The following PITPNC1 variants were observed in gnomAD, a reference collection of about 807,000 sequenced individuals.
PITPNC1 encodes the protein phosphatidylinositol transfer protein cytoplasmic 1, also known as cytoplasmic phosphatidylinositol transfer protein 1.
Under a neutral mutation model 44.7 loss-of-function variants are expected in PITPNC1, and 18 were observed. The ratio of observed to expected loss-of-function variants is 0.40; its 90% confidence interval spans 0.28 to 0.60. PITPNC1 has a LOEUF of 0.60. Ranked by LOEUF, PITPNC1 falls within the 20% of genes least tolerant of loss-of-function variation. PITPNC1 has a pLI of 0.39. For missense variants in PITPNC1, 290 were observed against 418.4 expected (o/e 0.69, Z 2.68); for synonymous variants, 141 against 149.6 (o/e 0.94, Z 0.42).
chr17:67,425,334 T>A (rs2038747789), intron 1 of PITPNC1, among the ~76,000 whole-genome samples: 1 of 148,098 alleles, frequency 6.8e-6, no homozygotes, highest in Non-Finnish European at 1.5e-5. Flanking sequence ...AATGAACCCC[T>A]CAGAAATGGT....
chr17:67,568,193 A>G (rs1462070852), intron 4 of PITPNC1, among the ~76,000 whole-genome samples: 1 of 152,254 alleles, frequency 6.6e-6, no homozygotes, highest in Non-Finnish European at 1.5e-5. Context: ...GTACCCATAC[A>G]TGCTAGAACA....
chr17:67,609,288 CTTTTT>C (rs34987217), intron 5 of PITPNC1, among the ~76,000 whole-genome samples: 2 of 114,300 alleles, frequency 1.7e-5, no homozygotes, highest in African/African-American at 3.7e-5. Flanking sequence ...CTTCTTCTTC[CTTTTT>C]TTTTTTTTTT....
At position 67,657,508 on chromosome 17, in the gene PITPNC1, T is replaced by C. The variant is rs534519261; in HGVS notation, c.463-12000T>C. Among the ~76,000 whole-genome samples, 53 of 150,792 alleles carry C rather than the reference T, an allele frequency of 3.5e-4. 1 individual carries two copies. In the South Asian group the frequency reaches 0.011, roughly 30 times the overall value. Reference sequence around the variant, plus strand: ...AAAGAACATCGAGCTAGAAGTAGGGTAGGCTGGGATTCTAGTCCCAGCCCT... The same window carrying C: ...AAAGAACATCGAGCTAGAAGTAGGGCAGGCTGGGATTCTAGTCCCAGCCCT... On this transcript the variant is annotated intron_variant, in intron 6 of 8. Coordinates refer to ENST00000581322, the MANE Select transcript of PITPNC1 (RefSeq NM_012417.4).
At chr17:67,494,181 TTCTTTTTCTTTC>T (rs1568012834) in intron 1 of PITPNC1, among the ~76,000 whole-genome samples, 2 of 58,468 alleles carry the variant, frequency 3.4e-5, no homozygotes, top group Admixed American at 1.7e-4. Context: ...CTTTCTTTCT[TTCTTTTTCTTTC>T]TTTCTTTCTT....
At chr17:67,500,722 G>A (rs2040015629) in intron 1 of PITPNC1, among the ~76,000 whole-genome samples, 1 of 151,306 alleles carries the variant, frequency 6.6e-6, no homozygotes, top group Admixed American at 6.6e-5. Context: ...GAGTACAGTG[G>A]CACAATCACG....
chr17:67,533,049 T>C, intron 2 of PITPNC1, 99 bp downstream of exon 2: 1 of 892,262 alleles, frequency 1.1e-6, no homozygotes, highest in Non-Finnish European at 1.7e-6. Context: ...AAAAGGTCAC[T>C]TGGAAAGTAA....
intron 5 of PITPNC1, among the ~76,000 whole-genome samples, chr17:67,631,050 GTTGTTATTATTATTA>G (rs1250156671): frequency 0.011 from 1,444 of 134,414 alleles, 37 homozygotes; most frequent in Middle Eastern, 0.014. Context: ...TGTTGTTGTT[GTTGTTATTATTATTA>G]TTATTATTAT....
intron 6 of PITPNC1, among the ~76,000 whole-genome samples, chr17:67,669,136 C>T (rs888259100): frequency 1.8e-4 from 27 of 152,234 alleles, no homozygotes; most frequent in African/African-American, 6.0e-4. Context: ...GATGGAGTTT[C>T]GCTCTTGTTA....
intron 5 of PITPNC1, among the ~76,000 whole-genome samples, chr17:67,627,437 G>A (rs1364207144): frequency 3.3e-5 from 5 of 152,198 alleles, no homozygotes; most frequent in African/African-American, 4.8e-5. Flanking sequence ...AATTAGGCAC[G>A]CTGTTAATGA....
intron 1 of PITPNC1, among the ~76,000 whole-genome samples, chr17:67,458,542 T>A (rs1243631210): frequency 2.0e-5 from 3 of 152,216 alleles, no homozygotes; most frequent in Non-Finnish European, 4.4e-5. Flanking sequence ...GACTCTTACT[T>A]TTTTCCCAGT....
chr17:67,574,949 A>G (rs141963227), intron 4 of PITPNC1, among the ~76,000 whole-genome samples: 2 of 152,266 alleles, frequency 1.3e-5, no homozygotes, highest in Admixed American at 6.5e-5. Context: ...TCCCCACTCA[A>G]AAATAACAAC....
intron 5 of PITPNC1, among the ~76,000 whole-genome samples, chr17:67,589,604 CAAA>C (rs10714478): frequency 2.1e-4 from 26 of 126,404 alleles, no homozygotes; most frequent in Non-Finnish European, 2.5e-4. Context: ...ATAATTGACT[CAAA>C]AAAAAAAAAA....
At chr17:67,685,317 G>A (rs140208442) in intron 8 of PITPNC1, among the ~76,000 whole-genome samples, 10 of 152,340 alleles carry the variant, frequency 6.6e-5, no homozygotes, top group Admixed American at 2.6e-4. Flanking sequence ...CCGCATTTGC[G>A]ATTGAGGATC....
intron 1 of PITPNC1, among the ~76,000 whole-genome samples, chr17:67,428,858 T>TTG (rs1362436475): frequency 1.3e-5 from 2 of 149,574 alleles, no homozygotes; most frequent in Non-Finnish European, 3.0e-5. Flanking sequence ...TTTTTTTTTT[T>TTG]GAGACGGAGT....
intron 5 of PITPNC1, among the ~76,000 whole-genome samples, chr17:67,599,007 T>C (rs1221010520): frequency 4.1e-5 from 1 of 24,164 alleles, no homozygotes; most frequent in African/African-American, 9.7e-5. Context: ...AATACATATA[T>C]ATATATATAT....
chr17:67,498,878 G>T (rs201332533), intron 1 of PITPNC1, among the ~76,000 whole-genome samples: 15 of 130,428 alleles, frequency 1.2e-4, no homozygotes, highest in Admixed American at 1.5e-4. Context: ...GTTTGTTTTT[G>T]TTTTTTTTTT....
intron 1 of PITPNC1, among the ~76,000 whole-genome samples, chr17:67,420,511 C>A (rs968077729): frequency 6.6e-6 from 1 of 151,644 alleles, no homozygotes; most frequent in African/African-American, 2.4e-5. Flanking sequence ...CGGCTCACTG[C>A]AACCTCCACC....
intron 6 of PITPNC1, among the ~76,000 whole-genome samples, chr17:67,644,246 A>G (rs1470748893): frequency 2.0e-5 from 3 of 152,106 alleles, no homozygotes; most frequent in Non-Finnish European, 4.4e-5. Flanking sequence ...TACCCAAGGC[A>G]GTATTGCCAT....
chr17:67,636,293 A>AG (rs2042031919), intron 6 of PITPNC1, among the ~76,000 whole-genome samples: 7 of 151,988 alleles, frequency 4.6e-5, no homozygotes, highest in Admixed American at 4.6e-4. Flanking sequence ...AAAAAAAAAA[A>AG]AAAAAAAAAA....
Sources: gnomAD v4.1 joint callset for allele counts (sites outside exome capture counted in the v4.1 genomes callset) on GRCh38, gnomAD v4.1.1 for gene constraint, MANE v1.5 for transcripts, NCBI Gene and HGNC (gene_info 2026-07-23, HGNC 2026-07-21) for gene names.